EXOC4: variants seen among roughly 807,000 people sequenced by gnomAD.
The protein encoded by EXOC4 is exocyst complex component 4, also known as SEC8-like 1.
A neutral mutation model predicts 107.2 loss-of-function variants in EXOC4; 71 were observed. That is an observed-to-expected ratio of 0.66 (90% CI 0.55 to 0.81). The LOEUF (loss-of-function observed/expected upper bound fraction) is 0.81, where lower values mean the gene tolerates loss of function less well. Among genes scored for constraint, EXOC4 ranks in the 30% least tolerant of loss-of-function variants. The pLI is 0.00. For synonymous variants in EXOC4, 456 were observed against 441.2 expected (o/e 1.03, Z -0.42); for missense variants, 1,108 against 1,189.6 (o/e 0.93, Z 1.01).
At chr7:133,463,702 T>C (rs113966655) in intron 7 of EXOC4, among the ~76,000 whole-genome samples, 2 of 152,082 alleles carry the variant, frequency 1.3e-5, no homozygotes, top group South Asian at 2.1e-4. Flanking sequence ...ATCAAACTCA[T>C]TGAAGTGAAA....
intron 1 of EXOC4, among the ~76,000 whole-genome samples, chr7:133,266,910 G>T (rs909651173): frequency 6.6e-6 from 1 of 152,140 alleles, no homozygotes; most frequent in Non-Finnish European, 1.5e-5. Flanking sequence ...TTGAGAATGA[G>T]AATTATATCA....
chr7:133,752,664 G>C (rs1048166899), intron 10 of EXOC4, among the ~76,000 whole-genome samples: 2 of 152,166 alleles, frequency 1.3e-5, no homozygotes, highest in African/African-American at 4.8e-5. Flanking sequence ...AAACAAAAAA[G>C]AGTGAGTACA....
chr7:133,421,168 A>G (rs1797595190), intron 7 of EXOC4, among the ~76,000 whole-genome samples: 1 of 152,086 alleles, frequency 6.6e-6, no homozygotes, highest in Non-Finnish European at 1.5e-5. Context: ...GAGTTGAAGT[A>G]AAAGTTCTTG....
At chr7:133,527,600 T>G (rs1360556361) in intron 9 of EXOC4, among the ~76,000 whole-genome samples, 1 of 152,092 alleles carries the variant, frequency 6.6e-6, no homozygotes, top group Non-Finnish European at 1.5e-5. Flanking sequence ...AATTTAAAAA[T>G]TTTGGTTAAA....
intron 9 of EXOC4, among the ~76,000 whole-genome samples, chr7:133,537,246 G>C (rs1800287927): frequency 6.6e-6 from 1 of 151,088 alleles, no homozygotes; most frequent in South Asian, 2.1e-4. Context: ...CGCCTCCCAG[G>C]TTCAAGTGAT....
intron 10 of EXOC4, among the ~76,000 whole-genome samples, chr7:133,648,020 A>C (rs1221902364): frequency 6.6e-6 from 1 of 152,218 alleles, no homozygotes; most frequent in African/African-American, 2.4e-5. Context: ...GAATCTAGAA[A>C]TAGTTGGGCC....
At chr7:133,781,028 C>A (rs1585140315) in intron 10 of EXOC4, among the ~76,000 whole-genome samples, 1 of 152,230 alleles carries the variant, frequency 6.6e-6, no homozygotes, top group Non-Finnish European at 1.5e-5. Flanking sequence ...GCAAGAGGCA[C>A]TGGCCACTGA....
At chr7:133,565,297 A>G (rs1177875830) in intron 9 of EXOC4, among the ~76,000 whole-genome samples, 1 of 152,204 alleles carries the variant, frequency 6.6e-6, no homozygotes. Flanking sequence ...CATCTGTGAA[A>G]TGACAGTAGT....
At chr7:133,773,781 C>T (rs1796292637) in intron 10 of EXOC4, among the ~76,000 whole-genome samples, 1 of 151,980 alleles carries the variant, frequency 6.6e-6, no homozygotes, top group Non-Finnish European at 1.5e-5. Context: ...CGGGCTACAA[C>T]CCTTCTAATC....
intron 9 of EXOC4, among the ~76,000 whole-genome samples, chr7:133,598,647 C>T (rs1187235529): frequency 2.0e-5 from 3 of 152,082 alleles, no homozygotes; most frequent in South Asian, 2.1e-4. Flanking sequence ...CAGGTATTTC[C>T]GATGAACATT....
chr7:133,332,630 T>C (rs929981731), intron 5 of EXOC4, among the ~76,000 whole-genome samples: 1 of 152,250 alleles, frequency 6.6e-6, no homozygotes, highest in Non-Finnish European at 1.5e-5. Flanking sequence ...TGAAAAAATA[T>C]ATTTGTATAT....
chr7:133,298,011 G>A (rs1036864360), intron 3 of EXOC4, among the ~76,000 whole-genome samples: 2 of 152,174 alleles, frequency 1.3e-5, no homozygotes, highest in Non-Finnish European at 2.9e-5. Flanking sequence ...AGATGTTTGT[G>A]TAAATTGCAG....
Position 133,512,876 on chromosome 7 carries a change from C to T in EXOC4, c.1417+32738C>T, listed in dbSNP as rs145487796. Among the ~76,000 whole-genome samples, 219 of 152,216 alleles carry T rather than the reference C, an allele frequency of 1.4e-3. 3 individuals are homozygous for T. The East Asian group carries it at 0.023, about 16-fold the overall frequency. ...GGCCAGGTGCGGTGGCTCACGCCTG[C>T]GGGCGGATCAGTTGAGGCCAGAAAT... is the stretch of plus-strand genomic sequence containing the variant. On this transcript the variant is annotated intron_variant, in intron 9 of 17. Transcript: ENST00000253861.
chr7:133,271,931 G>C (rs1793880423), intron 1 of EXOC4, among the ~76,000 whole-genome samples: 1 of 152,078 alleles, frequency 6.6e-6, no homozygotes, highest in African/African-American at 2.4e-5. Context: ...CTAATGCCCA[G>C]AGTTAAGTGA....
intron 10 of EXOC4, among the ~76,000 whole-genome samples, chr7:133,653,702 G>A (rs927806997): frequency 1.3e-5 from 2 of 152,142 alleles, no homozygotes; most frequent in Admixed American, 6.6e-5. Context: ...GATAAGAAAA[G>A]GTAAGCCTGA....
chr7:133,307,024 G>A (rs1282550378), intron 4 of EXOC4, among the ~76,000 whole-genome samples: 1 of 152,178 alleles, frequency 6.6e-6, no homozygotes, highest in Non-Finnish European at 1.5e-5. Context: ...AGAATAGACA[G>A]ATCTTTTCAG....
At chr7:133,812,211 G>A (rs1378174476) in intron 10 of EXOC4, among the ~76,000 whole-genome samples, 2 of 152,150 alleles carry the variant, frequency 1.3e-5, no homozygotes, top group Non-Finnish European at 2.9e-5. Flanking sequence ...CAGAGTTTAT[G>A]TAAGATAGTA....
At chr7:133,770,605 A>G (rs1053426687) in intron 10 of EXOC4, among the ~76,000 whole-genome samples, 6 of 152,084 alleles carry the variant, frequency 3.9e-5, no homozygotes, top group Non-Finnish European at 7.4e-5. Context: ...CAGGGTAAAC[A>G]TACATATACA....
At chr7:133,904,756 A>C (rs1183180096) in intron 12 of EXOC4, among the ~76,000 whole-genome samples, 1 of 152,246 alleles carries the variant, frequency 6.6e-6, no homozygotes, top group African/African-American at 2.4e-5. Flanking sequence ...ATGCACACTC[A>C]AAGGCACAAC....
Sources: gnomAD v4.1 joint callset for allele counts (sites outside exome capture counted in the v4.1 genomes callset) on GRCh38, gnomAD v4.1.1 for gene constraint, MANE v1.5 for transcripts, NCBI Gene and HGNC (gene_info 2026-07-23, HGNC 2026-07-21) for gene names.